ATXN7L1: variants seen among roughly 807,000 people sequenced by gnomAD.
The protein encoded by ATXN7L1 is ataxin-7-like protein 1.
Under a neutral mutation model 70.8 loss-of-function variants are expected in ATXN7L1, and 15 were observed. That is an observed-to-expected ratio of 0.21 (90% confidence interval 0.14 to 0.33). The LOEUF (loss-of-function observed/expected upper bound fraction) is 0.33. Among genes scored for constraint, ATXN7L1 ranks in the 10% least tolerant of loss-of-function variants. The pLI, the probability that ATXN7L1 is intolerant of heterozygous loss-of-function variation, is 1.00. For missense variants in ATXN7L1, 975 were observed against 1,097.1 expected, an observed-to-expected ratio of 0.89 and a Z score of 1.57; for synonymous variants, 440 against 445.1, an observed-to-expected ratio of 0.99 and a Z score of 0.14.
intron 2 of ATXN7L1, among the ~76,000 whole-genome samples, chr7:105,846,472 G>T (rs1216635938): frequency 6.6e-6 from 1 of 152,176 alleles, no homozygotes; most frequent in Admixed American, 6.5e-5. Flanking sequence ...AATAACAAAT[G>T]TTGGTAAGGA....
At chr7:105,690,834 C>T (rs1018033202) in intron 3 of ATXN7L1, among the ~76,000 whole-genome samples, 2 of 152,100 alleles carry the variant, frequency 1.3e-5, no homozygotes, top group East Asian at 1.9e-4. Flanking sequence ...GTAAATATTA[C>T]GGGAAACCCT....
intron 3 of ATXN7L1, among the ~76,000 whole-genome samples, chr7:105,775,406 T>A (rs1802589012): frequency 6.6e-6 from 1 of 152,172 alleles, no homozygotes; most frequent in Non-Finnish European, 1.5e-5. Flanking sequence ...TTTAGAGATT[T>A]GTAGCATCTG....
At chr7:105,646,564 C>T (rs1227507374) in intron 4 of ATXN7L1, among the ~76,000 whole-genome samples, 1 of 152,122 alleles carries the variant, frequency 6.6e-6, no homozygotes, top group East Asian at 1.9e-4. Flanking sequence ...ATTATAGGCA[C>T]CCGCCACCAC....
intron 3 of ATXN7L1, among the ~76,000 whole-genome samples, chr7:105,689,032 A>G (rs1235811712): frequency 2.0e-5 from 3 of 152,196 alleles, no homozygotes; most frequent in African/African-American, 7.2e-5. Flanking sequence ...GCAGACTCCC[A>G]AAGGTTTGAC....
At chr7:105,862,095 G>C (rs1372017003) in intron 2 of ATXN7L1, among the ~76,000 whole-genome samples, 1 of 152,174 alleles carries the variant, frequency 6.6e-6, no homozygotes, top group Non-Finnish European at 1.5e-5. Context: ...TTGGCTAACA[G>C]GGCTGTTGTA....
At chr7:105,875,925 G>A in intron 1 of ATXN7L1, 45 bp from the exon 2 acceptor site, 1 of 1,590,514 alleles carries the variant, frequency 6.3e-7, no homozygotes, top group South Asian at 1.1e-5. Flanking sequence ...AGGAAAAAAG[G>A]GGGGAAAAAA....
chr7:105,661,746 G>T (rs1293760579), intron 4 of ATXN7L1, among the ~76,000 whole-genome samples: 1 of 152,182 alleles, frequency 6.6e-6, no homozygotes, highest in Non-Finnish European at 1.5e-5. Context: ...TCCTGGACGT[G>T]TTGGGTAAAT....
At chr7:105,870,911 A>G (rs894719440) in intron 2 of ATXN7L1, among the ~76,000 whole-genome samples, 9 of 152,184 alleles carry the variant, frequency 5.9e-5, no homozygotes, top group Non-Finnish European at 1.2e-4. Flanking sequence ...TTGGACTCAG[A>G]ACCCCACTTT....
chr7:105,768,891 G>A (rs1203818175), intron 3 of ATXN7L1, among the ~76,000 whole-genome samples: 3 of 152,252 alleles, frequency 2.0e-5, no homozygotes, highest in Admixed American at 6.5e-5. Context: ...AACTGTAAAT[G>A]TTGGAAGTTT....
chr7:105,725,191 C>A (rs942708835), intron 3 of ATXN7L1, among the ~76,000 whole-genome samples: 11 of 152,048 alleles, frequency 7.2e-5, no homozygotes, highest in Non-Finnish European at 1.3e-4. Context: ...AAACAAGGTC[C>A]AGAATACAAA....
intron 2 of ATXN7L1, among the ~76,000 whole-genome samples, chr7:105,869,705 A>C (rs939048750): frequency 1.3e-5 from 2 of 152,214 alleles, no homozygotes; most frequent in Non-Finnish European, 2.9e-5. Context: ...GTTTATCTAC[A>C]TCACATCAAA....
At chr7:105,832,178 A>C (rs2116589583) in intron 2 of ATXN7L1, among the ~76,000 whole-genome samples, 2 of 152,312 alleles carry the variant, frequency 1.3e-5, no homozygotes, top group African/African-American at 4.8e-5. Flanking sequence ...TTGAGATGGC[A>C]GGAAAACCCA....
Position 105,788,672 on chromosome 7 carries a change from T to C in ATXN7L1, c.287A>G (p.Asp96Gly). 6.2e-7 allele frequency: 1 copy of C among 1,613,746 alleles called. No individual in the cohort carries two copies. The highest frequency in any genetic ancestry group is 1.1e-5 in the South Asian group (1 of 91,072). Residue 96 changes from aspartate (D) to glycine (G), a missense_variant, in exon 3 of 12, where the codon GAC becomes GGC. Transcript: ENST00000419735. ...GGCACTGCACACTACGAGATAGAAGTCGTCATGTGCTGGGTAATGGCCAAA... is the reference window on the plus strand; with the variant it reads ...GGCACTGCACACTACGAGATAGAAGCCGTCATGTGCTGGGTAATGGCCAAA... ...HLFGHYPAHD[D>G]FYLVVCSACN...
At chr7:105,726,013 T>C (rs1795777060) in intron 3 of ATXN7L1, among the ~76,000 whole-genome samples, 1 of 151,766 alleles carries the variant, frequency 6.6e-6, no homozygotes, top group South Asian at 2.1e-4. Context: ...GTGATTCTTG[T>C]GTCCCAGCCT....
At chr7:105,865,452 G>A (rs937214864) in intron 2 of ATXN7L1, among the ~76,000 whole-genome samples, 5 of 151,244 alleles carry the variant, frequency 3.3e-5, no homozygotes, top group Non-Finnish European at 7.4e-5. Context: ...CCCAGGCTGG[G>A]GTGCAGTGGC....
intron 4 of ATXN7L1, among the ~76,000 whole-genome samples, chr7:105,661,237 G>C (rs1454564493): frequency 6.6e-6 from 1 of 152,192 alleles, no homozygotes; most frequent in Non-Finnish European, 1.5e-5. Flanking sequence ...TTGTTATAGA[G>C]TTGGCACACA....
At chr7:105,609,497 G>A (rs1224769403) in intron 11 of ATXN7L1, among the ~76,000 whole-genome samples, 3 of 146,908 alleles carry the variant, frequency 2.0e-5, no homozygotes, top group South Asian at 2.2e-4. Context: ...ATAGGATCTC[G>A]CTCTGTTGCC....
At chr7:105,823,244 A>C (rs1810408941) in intron 2 of ATXN7L1, among the ~76,000 whole-genome samples, 2 of 152,198 alleles carry the variant, frequency 1.3e-5, no homozygotes, top group Admixed American at 1.3e-4. Context: ...TCGAAGGCTG[A>C]CATGAATCAT....
At chr7:105,723,178 C>T (rs961938332) in intron 3 of ATXN7L1, among the ~76,000 whole-genome samples, 2 of 152,164 alleles carry the variant, frequency 1.3e-5, no homozygotes, top group Admixed American at 6.5e-5. Context: ...GCTAAGAGGG[C>T]TCGGGGTTAG....
Sources: allele counts gnomAD v4.1 joint callset (sites outside exome capture counted in the v4.1 genomes callset), GRCh38; gene constraint gnomAD v4.1.1; transcripts MANE v1.5; gene names NCBI Gene and HGNC (gene_info 2026-07-23, HGNC 2026-07-21).